MALRD1: variants seen among roughly 807,000 people sequenced by gnomAD.
MALRD1 encodes MAM and LDL-receptor class A domain-containing protein 1.
Under a neutral mutation model 242.1 loss-of-function variants are expected in MALRD1, and 247 were observed. That is an observed-to-expected ratio of 1.02 (90% CI 0.92 to 1.13). MALRD1 has a LOEUF of 1.13. Ranked by LOEUF, MALRD1 falls within the 50% of genes most tolerant of loss-of-function variation. The pLI is 0.00. For missense variants in MALRD1, 2,989 were observed against 2,533.1 expected (o/e 1.18, Z -3.86); for synonymous variants, 995 against 866.6 (o/e 1.15, Z -2.60).
At chr10:19,161,870 A>G (rs1034051765) in intron 12 of MALRD1, among the ~76,000 whole-genome samples, 1 of 152,118 alleles carries the variant, frequency 6.6e-6, no homozygotes, top group Non-Finnish European at 1.5e-5. Flanking sequence ...GCTACTAAAA[A>G]TACAAAAATT....
At chr10:19,692,821 T>C (rs1253513325) in intron 38 of MALRD1, among the ~76,000 whole-genome samples, 1 of 145,466 alleles carries the variant, frequency 6.9e-6, no homozygotes, top group Non-Finnish European at 1.5e-5. Context: ...ATGAAATTTA[T>C]ATATATATGA....
intron 39 of MALRD1, among the ~76,000 whole-genome samples, chr10:19,731,581 C>G (rs558838394): frequency 6.6e-6 from 1 of 152,006 alleles, no homozygotes; most frequent in Non-Finnish European, 1.5e-5. Flanking sequence ...ATTATAGTCA[C>G]ATGCTATACA....
rs145233459 is a variant in MALRD1, at chr10:19,541,777, A to C, written c.5478+10426A>C. ...GGCTCATATTAACACTTTAGCAAAG[A>C]TGGGTGAATAGGTCTTGATAGCAAT... is the stretch of plus-strand genomic sequence containing the variant. On this transcript the variant is annotated intron_variant, in intron 32 of 39. Transcript: ENST00000454679. 1.8e-3 allele frequency among the ~76,000 whole-genome samples: 279 copies of C among 152,314 alleles called. 2 individuals are homozygous for C. Among genetic ancestry groups the C allele is most frequent in the African/African-American group, 6.5e-3 (269 of 41,580 alleles).
chr10:19,567,534 C>G lies in MALRD1; in HGVS notation c.5511C>G (p.Ile1837Met), dbSNP rs191274706. Residue 1837 changes from isoleucine to methionine, a missense_variant, in exon 33 of 40, where the codon ATC (isoleucine) becomes ATG (methionine). By Grantham distance (10) the Ile-to-Met change is conservative (BLOSUM62 1). Coordinates refer to ENST00000454679, the MANE Select transcript of MALRD1 (RefSeq NM_001142308.3). ...VYTIEESGLN[I>M]LVWSVIGNKR... ...CCATTGAAGAATCGGGGCTAAACAT[C>G]CTGGTGTGGTCAGTGATTGGAAATA... 1.8e-4 allele frequency: 285 copies of G among 1,550,278 alleles called. No homozygotes were observed. The highest frequency in any genetic ancestry group is 2.0e-4 in the Non-Finnish European group (232 of 1,146,900).
At chr10:19,663,973 A>G (rs548995969) in intron 36 of MALRD1, among the ~76,000 whole-genome samples, 62 of 152,242 alleles carry the variant, frequency 4.1e-4, no homozygotes, top group Middle Eastern at 6.8e-3. Flanking sequence ...CTTGCCAGGC[A>G]GGGACATACA....
chr10:19,051,509 GA>G (rs1459398284), intron 1 of MALRD1: 2 of 193,766 alleles, frequency 1.0e-5, no homozygotes, highest in East Asian at 1.2e-4. Context: ...CCGACTGTTG[GA>G]AAAACTTGAA....
At chr10:19,405,338 T>C (rs1238198503) in intron 28 of MALRD1, among the ~76,000 whole-genome samples, 1 of 152,186 alleles carries the variant, frequency 6.6e-6, no homozygotes. Context: ...ATTTTTGAGA[T>C]TATTTTTATA....
intron 31 of MALRD1, among the ~76,000 whole-genome samples, chr10:19,507,211 A>G (rs1301480895): frequency 6.6e-6 from 1 of 152,054 alleles, no homozygotes; most frequent in Admixed American, 6.6e-5. Context: ...AACTCCAGCA[A>G]CGGGGATTTC....
At chr10:19,341,524 GTATATA>G (rs750457234) in intron 24 of MALRD1, among the ~76,000 whole-genome samples, 30 of 138,856 alleles carry the variant, frequency 2.2e-4, no homozygotes, top group Non-Finnish European at 3.6e-4. Context: ...GTGTATATAT[GTATATA>G]TATACACACA....
chr10:19,049,269 T>C (rs1834415958), intron 1 of MALRD1, 132 bp downstream of exon 1: 10 of 579,920 alleles, frequency 1.7e-5, no homozygotes, highest in Non-Finnish European at 2.5e-5. Context: ...TTAGTGTAGA[T>C]CAGAAACTAA....
intron 9 of MALRD1, among the ~76,000 whole-genome samples, chr10:19,134,541 GT>G (rs764313590): frequency 4.6e-5 from 7 of 151,998 alleles, no homozygotes; most frequent in South Asian, 2.1e-4. Context: ...GAATGTGTAA[GT>G]TTATTTATGC....
chr10:19,651,491 T>C (rs2131706857), intron 36 of MALRD1, among the ~76,000 whole-genome samples: 1 of 152,282 alleles, frequency 6.6e-6, no homozygotes. Flanking sequence ...AAGCATAACG[T>C]GAAAAAGCAG....
At chr10:19,437,716 G>T (rs530267221) in intron 28 of MALRD1, among the ~76,000 whole-genome samples, 1 of 152,030 alleles carries the variant, frequency 6.6e-6, no homozygotes, top group East Asian at 1.9e-4. Flanking sequence ...TGCTGATAAG[G>T]GCTGAGCTTA....
intron 29 of MALRD1, among the ~76,000 whole-genome samples, chr10:19,475,714 T>C (rs1836698230): frequency 6.6e-6 from 1 of 152,212 alleles, no homozygotes; most frequent in Admixed American, 6.5e-5. Context: ...AAAACATAAC[T>C]TGTTCATTGA....
chr10:19,683,963 G>A (rs1361061309), intron 36 of MALRD1, among the ~76,000 whole-genome samples: 1 of 151,962 alleles, frequency 6.6e-6, no homozygotes, highest in Non-Finnish European at 1.5e-5. Flanking sequence ...GGTGTGTGAT[G>A]TTCCCCTCCC....
At position 19,430,111 on chromosome 10, in the gene MALRD1, C is replaced by CT. The variant is rs1156254998; in HGVS notation, c.4846-20175dup. On this transcript the variant is annotated intron_variant, in intron 28 of 39. Transcript: ENST00000454679. ...CTTTGCTTGGAATTTCTCCATTTTC[C>CT]TTTTTTTTTTTTTTTTTTTTTGAGA... Among the ~76,000 whole-genome samples the CT allele has an allele frequency of 2.8e-3, 236 of 83,500 alleles. 7 individuals are homozygous for CT. The highest frequency in any genetic ancestry group is 0.013 in the East Asian group (35 of 2,718). The allele number at this position is 83,500 out of a possible 152,430, so 54.8% of individuals were successfully genotyped here.
intron 28 of MALRD1, among the ~76,000 whole-genome samples, chr10:19,448,798 A>G: frequency 6.6e-6 from 1 of 152,032 alleles, no homozygotes; most frequent in South Asian, 2.1e-4. Context: ...TAATTACATT[A>G]TAACAGAATT....
At chr10:19,670,880 T>A (rs1324590643) in intron 36 of MALRD1, among the ~76,000 whole-genome samples, 1 of 113,892 alleles carries the variant, frequency 8.8e-6, no homozygotes, top group African/African-American at 5.2e-5. Flanking sequence ...AAAACAATCA[T>A]TTTTTTTTTT....
At chr10:19,458,287 C>G (rs1393947561) in intron 29 of MALRD1, among the ~76,000 whole-genome samples, 1 of 152,114 alleles carries the variant, frequency 6.6e-6, no homozygotes, top group Non-Finnish European at 1.5e-5. Flanking sequence ...CAAAAAGTGT[C>G]AAAGTCATGT....
Sources: gnomAD v4.1 joint callset for allele counts (sites outside exome capture counted in the v4.1 genomes callset) on GRCh38, gnomAD v4.1.1 for gene constraint, MANE v1.5 for transcripts, NCBI Gene and HGNC (gene_info 2026-07-23, HGNC 2026-07-21) for gene names.